Variants in SNTG1 observed in about 807,000 individuals in gnomAD.
SNTG1 encodes syntrophin gamma 1.
A neutral mutation model predicts 74.7 loss-of-function variants in SNTG1; 39 were observed. The observed-to-expected ratio is 0.52, with a 90% CI of 0.40 to 0.68. The LOEUF is 0.68. Ranked by LOEUF, SNTG1 falls within the 30% of genes least tolerant of loss-of-function variation. The probability of loss-of-function intolerance (pLI) is 0.00; values close to 1 mark genes in which losing one functional copy is unlikely to be tolerated. For synonymous variants in SNTG1, 254 were observed against 217.1 expected, an observed-to-expected ratio of 1.17 and a Z score of -1.49; for missense variants, 685 against 609.5, an observed-to-expected ratio of 1.12 and a Z score of -1.30.
intron 15 of SNTG1, among the ~76,000 whole-genome samples, chr8:50,681,502 A>T (rs2095330743): frequency 6.6e-6 from 1 of 152,160 alleles, no homozygotes; most frequent in African/African-American, 2.4e-5. Context: ...ATTCATTGTT[A>T]TTTGTAGTTC....
intron 9 of SNTG1, among the ~76,000 whole-genome samples, chr8:50,507,476 G>A (rs2094017529): frequency 1.3e-5 from 2 of 151,930 alleles, no homozygotes; most frequent in South Asian, 2.1e-4. Flanking sequence ...ATTTTGTGAG[G>A]AATTTATTAA....
At chr8:50,368,063 G>C (rs1476862613) in intron 2 of SNTG1, among the ~76,000 whole-genome samples, 1 of 152,118 alleles carries the variant, frequency 6.6e-6, no homozygotes, top group Non-Finnish European at 1.5e-5. Flanking sequence ...GAAAAGAGGA[G>C]AGCTGTAGAG....
At chr8:49,960,497 AT>A (rs1351091843) in intron 1 of SNTG1, among the ~76,000 whole-genome samples, 2 of 152,094 alleles carry the variant, frequency 1.3e-5, no homozygotes, top group Non-Finnish European at 2.9e-5. Flanking sequence ...TAGAAATCTG[AT>A]TTTGAAAAAA....
At chr8:50,228,748 C>A (rs564969486) in intron 2 of SNTG1, among the ~76,000 whole-genome samples, 1 of 151,642 alleles carries the variant, frequency 6.6e-6, no homozygotes, top group Non-Finnish European at 1.5e-5. Flanking sequence ...GAATTCATCA[C>A]TAGAAAATAT....
intron 18 of SNTG1, among the ~76,000 whole-genome samples, chr8:50,770,692 G>A (rs2095624865): frequency 6.6e-6 from 1 of 152,072 alleles, no homozygotes; most frequent in Admixed American, 6.6e-5. Context: ...GTGTGATGAG[G>A]TGGGGCCTAT....
At chr8:50,242,495 T>G (rs1212957360) in intron 2 of SNTG1, among the ~76,000 whole-genome samples, 2 of 137,880 alleles carry the variant, frequency 1.5e-5, no homozygotes, top group Admixed American at 1.6e-4. Flanking sequence ...GCCACTGCTC[T>G]CCAGCCTGGG....
chr8:50,606,041 G>A (rs2094809886), intron 13 of SNTG1, among the ~76,000 whole-genome samples: 1 of 152,038 alleles, frequency 6.6e-6, no homozygotes, highest in Non-Finnish European at 1.5e-5. Flanking sequence ...TTTGTTGAGA[G>A]TTTTTGCATT....
intron 2 of SNTG1, among the ~76,000 whole-genome samples, chr8:50,250,395 G>A (rs1245663830): frequency 6.6e-6 from 1 of 152,224 alleles, no homozygotes; most frequent in East Asian, 1.9e-4. Context: ...ACCAAGTATA[G>A]TAAACATACT....
intron 17 of SNTG1, among the ~76,000 whole-genome samples, chr8:50,740,206 T>G (rs2131659140): frequency 6.6e-6 from 1 of 151,564 alleles, no homozygotes; most frequent in Middle Eastern, 3.4e-3. Flanking sequence ...GGGAGAAAAT[T>G]TTTGCAAACT....
chr8:50,034,253 A>G (rs1817968525), intron 1 of SNTG1, among the ~76,000 whole-genome samples: 1 of 152,202 alleles, frequency 6.6e-6, no homozygotes. Flanking sequence ...ATTAGAAGAA[A>G]GCTTTAAAAC....
chr8:49,971,064 CA>C (rs1285910432), intron 1 of SNTG1, among the ~76,000 whole-genome samples: 2 of 151,946 alleles, frequency 1.3e-5, no homozygotes, highest in Non-Finnish European at 2.9e-5. Context: ...GAGACACAAC[CA>C]AAAAAGAGAA....
intron 2 of SNTG1, among the ~76,000 whole-genome samples, chr8:50,269,749 A>G (rs922805835): frequency 6.6e-6 from 1 of 152,080 alleles, no homozygotes; most frequent in South Asian, 2.1e-4. Context: ...GAGAAAAAAA[A>G]CAGAGTTTTT....
rs150863701 is a variant in SNTG1, at chr8:50,359,238, A to G, written c.-27-34974A>G. Among the ~76,000 whole-genome samples the G allele has an allele frequency of 9.1e-3, 1,383 of 152,236 alleles. 26 individuals are homozygous for G. Among genetic ancestry groups the G allele is most frequent in the African/African-American group, 0.032 (1,310 of 41,538 alleles). On this transcript the variant is annotated intron_variant, in intron 2 of 18. Coordinates refer to ENST00000642720, the MANE Select transcript of SNTG1 (RefSeq NM_018967.5). ...TGAGTTCAGCTCCTTAGTCCACAAA[A>G]CCACTCCCCATGTGACAGGGTCTCC...
intron 18 of SNTG1, among the ~76,000 whole-genome samples, chr8:50,778,976 C>G (rs1045915977): frequency 2.0e-5 from 3 of 151,866 alleles, no homozygotes; most frequent in Non-Finnish European, 4.4e-5. Flanking sequence ...TCCCCATTGC[C>G]TGTTTTTCTC....
intron 8 of SNTG1, among the ~76,000 whole-genome samples, chr8:50,462,796 CTTTTTTTTTTTT>C (rs869119447): frequency 8.7e-5 from 5 of 57,414 alleles, no homozygotes; most frequent in East Asian, 5.9e-4. Flanking sequence ...AGGTTCTACT[CTTTTTTTTTTTT>C]TTTTTTTTTT....
chr8:50,657,358 AT>A (rs2095189564), intron 14 of SNTG1, among the ~76,000 whole-genome samples: 2 of 152,178 alleles, frequency 1.3e-5, no homozygotes, highest in South Asian at 4.1e-4. Context: ...TATTTTGTTT[AT>A]GGAATAAAAA....
chr8:50,144,973 G>T (rs919408827), intron 1 of SNTG1, among the ~76,000 whole-genome samples: 9 of 152,134 alleles, frequency 5.9e-5, no homozygotes, highest in African/African-American at 2.2e-4. Context: ...AGTGCTCTGG[G>T]CTTTGGGGGT....
chr8:50,123,715 C>T (rs561651794), intron 1 of SNTG1, among the ~76,000 whole-genome samples: 2 of 141,998 alleles, frequency 1.4e-5, no homozygotes, highest in Non-Finnish European at 3.1e-5. Context: ...GAAAGGGTGA[C>T]ATTGTAGAGG....
At chr8:49,969,506 C>T (rs997321038) in intron 1 of SNTG1, among the ~76,000 whole-genome samples, 24 of 146,622 alleles carry the variant, frequency 1.6e-4, no homozygotes, top group African/African-American at 6.1e-4. Flanking sequence ...AAGCAATTCT[C>T]CTGCCTCAGC....
Sources: allele counts gnomAD v4.1 joint callset (sites outside exome capture counted in the v4.1 genomes callset), GRCh38; gene constraint gnomAD v4.1.1; transcripts MANE v1.5; gene names NCBI Gene and HGNC (gene_info 2026-07-23, HGNC 2026-07-21).